CUTA: variants seen among roughly 807,000 people sequenced by gnomAD.
The protein encoded by CUTA is protein CutA.
Under a neutral mutation model 20.7 loss-of-function variants are expected in CUTA, and 21 were observed. That is an observed-to-expected ratio of 1.01 (90% CI 0.72 to 1.46). The LOEUF is 1.46. Ranked by LOEUF, CUTA falls within the 40% of genes most tolerant of loss-of-function variation. The pLI, the probability that CUTA is intolerant of heterozygous loss-of-function variation, is 0.00. For synonymous variants in CUTA, 99 were observed against 97.9 expected, an observed-to-expected ratio of 1.01 and a Z score of -0.07; for missense variants, 231 against 226.8, an observed-to-expected ratio of 1.02 and a Z score of -0.12.
At position 33,417,953 on chromosome 6, in the gene CUTA, ACT is replaced by A. The variant is rs1413219812; in HGVS notation, c.42+4_42+5del. On this transcript the variant is annotated splice_donor_5th_base_variant and intron_variant, in intron 1 of 5. Coordinates refer to ENST00000488034, the MANE Select transcript of CUTA (RefSeq NM_001014840.2). The stretch of plus-strand genomic sequence containing the variant: ...CGGAAGGGGCGGGGCGGGGCCGGTC[ACT>A]CACCACTCCGCCGAGCAGGACCGCG... 3.1e-6 allele frequency: 5 copies of A among 1,587,338 alleles called. No homozygotes were observed. Among genetic ancestry groups the A allele is most frequent in the Non-Finnish European group, 4.3e-6 (5 of 1,167,858 alleles).
rs1030471048 is a variant in CUTA, at chr6:33,416,845, C to T, written c.414-69G>A. On this transcript the variant is annotated intron_variant, in intron 5 of 5. Coordinates refer to ENST00000488034, the MANE Select transcript of CUTA (RefSeq NM_001014840.2). ...ACCCAAAAGAACCCACTCCCTTACACGCAAGCCCTAGACTGCCCAGCAAGT... is the reference window on the plus strand; with the variant it reads ...ACCCAAAAGAACCCACTCCCTTACATGCAAGCCCTAGACTGCCCAGCAAGT... 9.3e-6 allele frequency: 15 copies of T among 1,606,260 alleles called. No individual in the cohort carries two copies. In the Admixed American group the frequency reaches 1.7e-4, roughly 18 times the overall value.
chr6:33,417,600 A>G lies in CUTA; in HGVS notation c.138T>C (p.Ser46=), dbSNP rs939574922. ...LLPRVLLTMA[S]GSPPTQPSPA... ...GCGAGGGCTGGGTCGGAGGGCTTCC[A>G]GAGGCCATGGTCAGCAAGACTCGGG... Residue 46 remains serine (S), a synonymous_variant, in exon 2 of 6, where the codon TCT becomes TCC. Coordinates refer to ENST00000488034, the MANE Select transcript of CUTA (RefSeq NM_001014840.2). 2.5e-6 allele frequency: 4 copies of G among 1,614,028 alleles called. No homozygotes were observed. The highest frequency in any genetic ancestry group is 1.7e-5 in the Admixed American group (1 of 60,006).
At position 33,416,684 on chromosome 6, in the gene CUTA, T is replaced by G. The variant is rs375282900; in HGVS notation, c.506A>C (p.Glu169Ala). The G allele has an allele frequency of 6.8e-6, 11 of 1,612,570 alleles. No individual in the cohort carries two copies. The highest frequency in any genetic ancestry group is 8.5e-6 in the Non-Finnish European group (10 of 1,178,740). ...PYLQWVRQVT[E>A]SVSDSITVLP Reference sequence around the variant, plus strand: ...GACTGTGATAGAGTCAGAAACTGACTCTGTGACCTGGCGCACCCACTGCAG... The same window carrying G: ...GACTGTGATAGAGTCAGAAACTGACGCTGTGACCTGGCGCACCCACTGCAG... Residue 169 changes from glutamate (E) to alanine (A), a missense_variant, in exon 6 of 6, where the codon GAG (glutamate) becomes GCG (alanine). Glu to Ala is a moderately radical substitution (Grantham distance 107, BLOSUM62 -1). Coordinates refer to ENST00000488034, the MANE Select transcript of CUTA (RefSeq NM_001014840.2).
intron 1 of CUTA, 80 bp from the exon 2 acceptor site, chr6:33,417,775 T>A: frequency 6.5e-7 from 1 of 1,547,874 alleles, no homozygotes; most frequent in Non-Finnish European, 8.7e-7. Flanking sequence ...GCTTAGATCC[T>A]CAGGCTCTGC....
chr6:33,417,915 A>G, intron 1 of CUTA, 44 bp downstream of exon 1: 2 of 1,593,712 alleles, frequency 1.3e-6, no homozygotes, highest in Non-Finnish European at 8.5e-7. Context: ...GTAGCGGTCG[A>G]GGCTTCGAGG....
Position 33,417,286 on chromosome 6 carries a change from T to G in CUTA, c.282A>C (p.Ala94=). ...IARAVVEKRL[A]ACVNLIPQIT... Reference sequence around the variant, plus strand: ...TCTGAGGGATGAGGTTGACGCAGGCTGCTAGGCGCTTCTCCACCACGGCCC... The same window carrying G: ...TCTGAGGGATGAGGTTGACGCAGGCGGCTAGGCGCTTCTCCACCACGGCCC... The change falls in exon 3 of 6, where the codon GCA becomes GCC. Residue 94 remains alanine, a synonymous_variant. Transcript: ENST00000488034. 2 of 1,614,238 alleles carry G rather than the reference T, an allele frequency of 1.2e-6. No homozygotes were observed. The highest frequency in any genetic ancestry group is 1.7e-6 in the Non-Finnish European group (2 of 1,180,040).
chr6:33,417,233 C>A lies in CUTA; in HGVS notation c.317+18G>T, dbSNP rs368176232. ...CAGCTCCTACAGTTAGGTTAACCCC[C>A]CAACTCCTATGACTCACATGGATGT... On this transcript the variant is annotated intron_variant, in intron 3 of 5. Transcript: ENST00000488034. 1 of 1,614,170 alleles carries A rather than the reference C, an allele frequency of 6.2e-7. No individual in the cohort carries two copies. The highest frequency in any genetic ancestry group is 1.1e-5 in the South Asian group (1 of 91,078).
In CUTA at chr6:33,416,788, G is replaced by T; in HGVS notation, c.414-12C>A. On this transcript the variant is annotated splice_polypyrimidine_tract_variant and intron_variant, in intron 5 of 5. Transcript: ENST00000488034. ...AAGGGTGCACAGAACTACAAAATAG[G>T]TGGGTGGGGGAAGGGGATCACTCAA... 6.2e-7 allele frequency: 1 copy of T among 1,613,078 alleles called. No homozygotes were observed. Among genetic ancestry groups the T allele is most frequent in the Non-Finnish European group, 8.5e-7 (1 of 1,179,190 alleles).
At chr6:33,417,731 A>G in intron 1 of CUTA, 36 bp from the exon 2 acceptor site, 1 of 1,582,600 alleles carries the variant, frequency 6.3e-7, no homozygotes, top group Middle Eastern at 1.9e-4. Context: ...TCTCCTCACA[A>G]ACAGCCCAGG....
intron 4 of CUTA, 26 bp from the exon 5 acceptor site, chr6:33,416,995 G>C (rs1306938429): frequency 6.2e-7 from 1 of 1,613,848 alleles, no homozygotes; most frequent in South Asian, 1.1e-5. Context: ...AAACATGGTT[G>C]AATCAAGGAG....
intron 4 of CUTA, 36 bp downstream of exon 4, chr6:33,417,060 TG>T: frequency 6.2e-7 from 1 of 1,611,318 alleles, no homozygotes; most frequent in Non-Finnish European, 8.5e-7. Flanking sequence ...GGTCAGGGAT[TG>T]GGGATATTTT....
chr6:33,416,780 C>T lies in CUTA; in HGVS notation c.414-4G>A. The stretch of plus-strand genomic sequence containing the variant: ...CACTTCGTAAGGGTGCACAGAACTA[C>T]AAAATAGGTGGGTGGGGGAAGGGGA... On this transcript the variant is annotated splice_region_variant and splice_polypyrimidine_tract_variant and intron_variant, in intron 5 of 5. Coordinates refer to ENST00000488034, the MANE Select transcript of CUTA (RefSeq NM_001014840.2). The T allele has an allele frequency of 6.2e-7, 1 of 1,613,760 alleles. No homozygotes were observed. Among genetic ancestry groups the T allele is most frequent in the Non-Finnish European group, 8.5e-7 (1 of 1,179,732 alleles).
rs1776580712 is a variant in CUTA at position 33,417,491 on chromosome 6, C to T, written c.247G>A (p.Glu83Lys). Residue 83 changes from glutamate to lysine, a missense_variant, in exon 2 of 6, where the codon GAG becomes AAG. Physicochemically the swap from Glu to Lys is moderately conservative, Grantham distance 56 (BLOSUM62 1). Transcript: ENST00000488034. ...CATCGAGGTCCCTACCTGGCGATCT[C>T]CTTGGCGACCTTCTCGTTGGGGCAA... ...VTCPNEKVAK[E>K]IARAVVEKRL... 1.9e-6 allele frequency: 3 copies of T among 1,614,178 alleles called. No individual in the cohort carries two copies. The highest frequency in any genetic ancestry group is 2.5e-6 in the Non-Finnish European group (3 of 1,180,040).
In CUTA at chr6:33,416,497, A is replaced by G; in HGVS notation, c.*153T>C. ...GAGAATACAGGGACTAGAAGCACTT[A>G]TATTCTCCCAACAAATTTGCATACA... On this transcript the variant is annotated 3_prime_UTR_variant, in exon 6 of 6. Transcript: ENST00000488034. 1 of 655,038 alleles carries G rather than the reference A, an allele frequency of 1.5e-6. No individual in the cohort carries two copies. Among genetic ancestry groups the G allele is most frequent in the South Asian group, 1.8e-5 (1 of 55,236 alleles). 40.6% of individuals were successfully genotyped at this position (655,038 alleles called of 1,614,324 possible).
At position 33,417,467 on chromosome 6, in the gene CUTA, A is replaced by G; in HGVS notation, c.257+14T>C. The G allele has an allele frequency of 6.2e-7, 1 of 1,613,936 alleles. No homozygotes were observed. The highest frequency in any genetic ancestry group is 8.5e-7 in the Non-Finnish European group (1 of 1,179,874). On this transcript the variant is annotated intron_variant, in intron 2 of 5. Coordinates refer to ENST00000488034, the MANE Select transcript of CUTA (RefSeq NM_001014840.2). ...TCATGATCATCCTTTCTCGCTGCAC[A>G]TCGAGGTCCCTACCTGGCGATCTCC...
Position 33,416,708 on chromosome 6 carries a change from A to G in CUTA, c.482T>C (p.Leu161Pro), listed in dbSNP as rs776048307. 1.2e-6 allele frequency: 2 copies of G among 1,614,090 alleles called. No homozygotes were observed. The highest frequency in any genetic ancestry group is 1.7e-6 in the Non-Finnish European group (2 of 1,179,942). Residue 161 changes from leucine (L) to proline (P), a missense_variant, in exon 6 of 6, where the codon CTG (leucine) becomes CCG (proline). Leu to Pro is a moderately conservative substitution (Grantham distance 98, BLOSUM62 -3). Coordinates refer to ENST00000488034, the MANE Select transcript of CUTA (RefSeq NM_001014840.2). Reference protein sequence around the residue: ...LPVEQGNFPYLQWVRQVTESV... With the variant: ...LPVEQGNFPYPQWVRQVTESV... ...CTCTGTGACCTGGCGCACCCACTGCAGGTACGGAAAGTTCCCCTGTTCCAC... is the reference window on the plus strand; with the variant it reads ...CTCTGTGACCTGGCGCACCCACTGCGGGTACGGAAAGTTCCCCTGTTCCAC...
intron 3 of CUTA, 47 bp from the exon 4 acceptor site, chr6:33,417,189 CA>C: frequency 6.2e-7 from 1 of 1,613,394 alleles, no homozygotes; most frequent in African/African-American, 1.3e-5. Flanking sequence ...GAATTTCCCC[CA>C]GGAAAGAGGT....
chr6:33,417,792 T>G, intron 1 of CUTA, 97 bp from the exon 2 acceptor site: 1 of 1,544,548 alleles, frequency 6.5e-7, no homozygotes, highest in African/African-American at 1.4e-5. Context: ...CTGCCCTCCC[T>G]CTGATGCACC....
In CUTA at chr6:33,417,085, A is replaced by G. The variant is rs763056122; in HGVS notation, c.363+12T>C. ...TGGGGATATTTTGTTGGGTGGGGGA[A>G]ATGTTTCTCACCATCAGCACCTCAC... On this transcript the variant is annotated intron_variant, in intron 4 of 5. Coordinates refer to ENST00000488034, the MANE Select transcript of CUTA (RefSeq NM_001014840.2). The G allele has an allele frequency of 1.9e-6, 3 of 1,611,124 alleles. No individual in the cohort carries two copies. The highest frequency in any genetic ancestry group is 1.1e-5 in the South Asian group (1 of 90,804).
Sources: gnomAD v4.1 joint callset for allele counts on GRCh38, gnomAD v4.1.1 for gene constraint, MANE v1.5 for transcripts, NCBI Gene and HGNC (gene_info 2026-07-23, HGNC 2026-07-21) for gene names.